The following RALGAPA1 variants were observed in gnomAD, a reference collection of about 807,000 sequenced individuals.
RALGAPA1 encodes ral GTPase-activating protein subunit alpha-1.
RALGAPA1 carries 52 observed loss-of-function variants against 269.6 expected under a neutral mutation model. The ratio of observed to expected loss-of-function variants is 0.19; its 90% CI spans 0.15 to 0.24. The LOEUF is 0.24. Ranked by LOEUF, RALGAPA1 falls within the 10% of genes least tolerant of loss-of-function variation. RALGAPA1 has a pLI of 1.00. For synonymous variants in RALGAPA1, 817 were observed against 1,008.3 expected (o/e 0.81, Z 3.60); for missense variants, 1,917 against 3,013.9 (o/e 0.64, Z 8.52).
intron 12 of RALGAPA1, among the ~76,000 whole-genome samples, chr14:35,733,215 C>T (rs772347825): frequency 4.6e-5 from 7 of 152,096 alleles, no homozygotes; most frequent in Non-Finnish European, 1.0e-4. Context: ...CGGTGGCTCA[C>T]ACCTGTAATC....
At chr14:35,715,905 C>G in intron 16 of RALGAPA1, 1 of 985,304 alleles carries the variant, frequency 1.0e-6, no homozygotes, top group South Asian at 4.7e-5. Context: ...TTATTTTGGT[C>G]AAGGAAATGA....
intron 18 of RALGAPA1, among the ~76,000 whole-genome samples, chr14:35,687,114 C>A (rs2066007319): frequency 6.6e-6 from 1 of 152,052 alleles, no homozygotes; most frequent in Non-Finnish European, 1.5e-5. Flanking sequence ...AATACAAATT[C>A]TATGGTTTTG....
chr14:35,654,588 A>G (rs1159710896), intron 29 of RALGAPA1, 111 bp from the exon 30 acceptor site: 1 of 1,252,926 alleles, frequency 8.0e-7, no homozygotes, highest in African/African-American at 1.6e-5. Flanking sequence ...TAAATCCTAC[A>G]TTTATAGGTG....
chr14:35,695,250 A>C (rs1317547326), intron 17 of RALGAPA1, among the ~76,000 whole-genome samples: 1 of 151,986 alleles, frequency 6.6e-6, no homozygotes, highest in Non-Finnish European at 1.5e-5. Context: ...AAAAAAATCT[A>C]ATTGGAATTA....
At chr14:35,748,923 A>G (rs1256253167) in intron 9 of RALGAPA1, 99 bp from the exon 10 acceptor site, 1 of 1,404,364 alleles carries the variant, frequency 7.1e-7, no homozygotes, top group Non-Finnish European at 9.2e-7. Context: ...AATCCAAAAC[A>G]TTTCCCAAGT....
In RALGAPA1 at chr14:35,674,584, T is replaced by G; in HGVS notation, c.4750A>C (p.Ile1584Leu). The G allele has an allele frequency of 6.2e-7, 1 of 1,608,906 alleles. No individual in the cohort carries two copies. Among genetic ancestry groups the G allele is most frequent in the Non-Finnish European group, 8.5e-7 (1 of 1,177,272 alleles). ...TGAGCATGTATTTCAGGATCCATGA[T>G]TGAATTTACATCTCCCAAAATGCCT... ...MLGILGDVNSIMDPEIHAQVF... is the reference protein window; with the variant it reads ...MLGILGDVNSLMDPEIHAQVF... The change falls in exon 23 of 42, where the codon ATC (isoleucine) becomes CTC (leucine). Residue 1584 changes from isoleucine to leucine, a missense_variant. By Grantham distance (5) the Ile-to-Leu change is conservative (BLOSUM62 2). Coordinates refer to ENST00000680220, the MANE Select transcript of RALGAPA1 (RefSeq NM_001346249.2).
intron 9 of RALGAPA1, among the ~76,000 whole-genome samples, chr14:35,749,799 C>T (rs1462615396): frequency 1.3e-5 from 2 of 151,996 alleles, no homozygotes; most frequent in East Asian, 3.9e-4. Flanking sequence ...CACGTTATAC[C>T]TTTATCCTAC....
At chr14:35,545,050 C>A (rs996633481) in intron 41 of RALGAPA1, among the ~76,000 whole-genome samples, 2 of 151,992 alleles carry the variant, frequency 1.3e-5, no homozygotes, top group African/African-American at 2.4e-5. Context: ...AAACAAAAAC[C>A]AAACCATTAA....
intron 26 of RALGAPA1, among the ~76,000 whole-genome samples, chr14:35,666,295 C>A (rs1566955508): frequency 6.6e-6 from 1 of 152,176 alleles, no homozygotes; most frequent in South Asian, 2.1e-4. Flanking sequence ...GTAGGTTCCA[C>A]TGGCAACTGT....
Position 35,627,511 on chromosome 14 carries a change from C to T in RALGAPA1, c.6436G>A (p.Glu2146Lys), listed in dbSNP as rs933836350. The stretch of plus-strand genomic sequence containing the variant: ...AAGCATTCATTAGATGTCGGAGGCT[C>T]TTCTGGCTTCTCTTGGTGAGACAAT... ...LSLSHQEKPE[E>K]PPTSNECLED... Residue 2146 changes from glutamate (E) to lysine (K), a missense_variant, in exon 34 of 42, where the codon GAG (glutamate) becomes AAG (lysine). Glu to Lys is a moderately conservative substitution (Grantham distance 56). This residue lies in a region of RALGAPA1 where 346 missense variants were observed against 566.1 expected (regional missense o/e 0.61). Transcript: ENST00000680220. The T allele has an allele frequency of 1.2e-5, 20 of 1,605,344 alleles. 1 individual carries two copies. Among genetic ancestry groups the T allele is most frequent in the Non-Finnish European group, 1.5e-5 (18 of 1,177,346 alleles).
chr14:35,618,625 A>T (rs900452029), intron 35 of RALGAPA1, among the ~76,000 whole-genome samples: 1 of 152,170 alleles, frequency 6.6e-6, no homozygotes, highest in Admixed American at 6.5e-5. Context: ...ATAAGACGTG[A>T]TATAAGCAAA....
At chr14:35,557,973 AT>A (rs917362675) in intron 39 of RALGAPA1, among the ~76,000 whole-genome samples, 2 of 151,614 alleles carry the variant, frequency 1.3e-5, no homozygotes, top group Non-Finnish European at 1.5e-5. Flanking sequence ...ATAAGCATTA[AT>A]TTTTTTTTCA....
At chr14:35,707,676 T>C (rs973798648) in intron 16 of RALGAPA1, 2 of 152,184 alleles carry the variant, frequency 1.3e-5, no homozygotes, top group Admixed American at 6.5e-5. Flanking sequence ...AGAAAAGTTA[T>C]GGAGAATTAT....
At chr14:35,799,474 A>C (rs111382382) in intron 1 of RALGAPA1, among the ~76,000 whole-genome samples, 16,887 of 151,882 alleles carry the variant, frequency 0.11, 1,552 homozygotes, top group East Asian at 0.37. Flanking sequence ...AGGCAGGAGA[A>C]TCGCTCTAAC....
chr14:35,635,503 G>A lies in RALGAPA1; in HGVS notation c.5772C>T (p.Ser1924=), dbSNP rs536651871. 11 of 1,605,388 alleles carry A rather than the reference G, an allele frequency of 6.9e-6. No individual in the cohort carries two copies. The highest frequency in any genetic ancestry group is 4.5e-5 in the South Asian group (4 of 88,968). ...TGAGAACAGATTTTTCTGTTTTATC[G>A]CTTTCTGCTCCCGTAGCATGAAATG... is the stretch of plus-strand genomic sequence containing the variant. ...LQPFHATGAE[S]DKTEKSVLNC... The change falls in exon 32 of 42, where the codon AGC becomes AGT. Residue 1924 remains serine, a synonymous_variant. Transcript: ENST00000680220.
chr14:35,731,147 G>A (rs1192406241), intron 12 of RALGAPA1, among the ~76,000 whole-genome samples: 1 of 152,188 alleles, frequency 6.6e-6, no homozygotes, highest in Non-Finnish European at 1.5e-5. Flanking sequence ...AATCACTGCG[G>A]TTCAGCTCAC....
intron 37 of RALGAPA1, among the ~76,000 whole-genome samples, chr14:35,586,583 G>C (rs909856226): frequency 6.6e-6 from 1 of 152,120 alleles, no homozygotes; most frequent in Non-Finnish European, 1.5e-5. Context: ...ATTGGCTGTG[G>C]GTTTGTCATA....
intron 31 of RALGAPA1, among the ~76,000 whole-genome samples, chr14:35,642,881 C>T (rs1201414265): frequency 1.1e-4 from 16 of 152,150 alleles, no homozygotes; most frequent in Admixed American, 2.0e-4. Context: ...GACATATGCA[C>T]GTGTATGTTT....
intron 41 of RALGAPA1, chr14:35,542,401 T>TTG (rs2054095043): frequency 6.4e-6 from 1 of 156,076 alleles, no homozygotes; most frequent in Non-Finnish European, 1.4e-5. Context: ...TCAAATAATA[T>TTG]TTTCCTCAAA....
Sources: allele counts gnomAD v4.1 joint callset (sites outside exome capture counted in the v4.1 genomes callset), GRCh38; gene constraint gnomAD v4.1.1; regional missense constraint gnomAD v4.1.1; transcripts MANE v1.5; gene names NCBI Gene and HGNC (gene_info 2026-07-23, HGNC 2026-07-21).